The following TCERG1 variants were observed in gnomAD, a reference collection of about 807,000 sequenced individuals.
TCERG1 encodes the protein TATA box binding protein (TBP)-associated factor, RNA polymerase II, S, 150kD.
A neutral mutation model predicts 144.7 loss-of-function variants in TCERG1; 37 were observed. That is an observed-to-expected ratio of 0.26 (90% CI 0.20 to 0.34). The LOEUF (loss-of-function observed/expected upper bound fraction) is 0.34. Among genes scored for constraint, TCERG1 ranks in the 10% least tolerant of loss-of-function variants. The probability of loss-of-function intolerance (pLI) is 1.00; values close to 1 mark genes in which losing one functional copy is unlikely to be tolerated. For synonymous variants in TCERG1, 492 were observed against 458.2 expected (o/e 1.07, Z -0.94); for missense variants, 1,027 against 1,380.7 (o/e 0.74, Z 4.06).
At position 146,456,271 on chromosome 5, in the gene TCERG1, T is replaced by C. The variant is rs1762832583; in HGVS notation, c.286-912T>C. On this transcript the variant is annotated intron_variant, in intron 2 of 22. Transcript: ENST00000679501. ...GCTTCAAGGTTAGAATAAGAAATAG[T>C]TTTTTTAACTTATTCTGGTATAATC... Among the ~76,000 whole-genome samples, 3 of 152,320 alleles carry C rather than the reference T, an allele frequency of 2.0e-5. No homozygotes were observed. The South Asian group carries it at 6.2e-4, about 32-fold the overall frequency.
At chr5:146,484,648 GTATC>G (rs1765661359) in intron 15 of TCERG1, among the ~76,000 whole-genome samples, 1 of 152,052 alleles carries the variant, frequency 6.6e-6, no homozygotes, top group Admixed American at 6.6e-5. Flanking sequence ...TTTAAGCTTT[GTATC>G]TTTTTTAAAA....
At chr5:146,494,038 T>C (rs1340661671) in intron 16 of TCERG1, among the ~76,000 whole-genome samples, 1 of 152,078 alleles carries the variant, frequency 6.6e-6, no homozygotes, top group Non-Finnish European at 1.5e-5. Flanking sequence ...TTTTAGAAAA[T>C]AAAGCTAATA....
chr5:146,470,793 T>C (rs1357719126), intron 8 of TCERG1, 45 bp downstream of exon 8: 2 of 1,376,632 alleles, frequency 1.5e-6, no homozygotes, highest in Admixed American at 4.3e-5. Flanking sequence ...ATTAATTGTT[T>C]CCTACAGCTT....
chr5:146,453,036 C>T (rs557265687), intron 1 of TCERG1, among the ~76,000 whole-genome samples: 1 of 152,264 alleles, frequency 6.6e-6, no homozygotes, highest in South Asian at 2.1e-4. Flanking sequence ...TTGAAAAGAG[C>T]TTAGAGCAAG....
chr5:146,474,711 T>C (rs1764672333), intron 9 of TCERG1, among the ~76,000 whole-genome samples: 1 of 152,188 alleles, frequency 6.6e-6, no homozygotes, highest in Non-Finnish European at 1.5e-5. Flanking sequence ...CATCAAGAGA[T>C]TGAGGCAAGA....
intron 16 of TCERG1, among the ~76,000 whole-genome samples, chr5:146,495,130 A>T (rs937973305): frequency 2.0e-5 from 3 of 152,182 alleles, no homozygotes; most frequent in Admixed American, 2.0e-4. Context: ...TTTTTCTTTA[A>T]TCATAGTTTA....
Position 146,469,727 on chromosome 5 carries a change from A to G in TCERG1, c.1382A>G (p.Gln461Arg), listed in dbSNP as rs1764114194. The change falls in exon 7 of 23, where the codon CAA (glutamine) becomes CGA (arginine). Residue 461 changes from glutamine to arginine, a missense_variant. By Grantham distance (43) the Gln-to-Arg change is conservative. Around this residue, in one of 6 missense-constraint regions of TCERG1, gnomAD observed 482 missense variants for 632.6 expected, o/e 0.76. Transcript: ENST00000679501. ...TTAGAATCAACCTGGGAAAAACCCC[A>G]AGAACTAAAGGAAAAAGGTATATAG... ...RTLESTWEKPQELKEKEKLEE... is the reference protein window; with the variant it reads ...RTLESTWEKPRELKEKEKLEE... 6 of 1,605,134 alleles carry G rather than the reference A, an allele frequency of 3.7e-6. No homozygotes were observed. The highest frequency in any genetic ancestry group is 5.1e-6 in the Non-Finnish European group (6 of 1,175,966).
At chr5:146,484,606 A>C (rs569730912) in intron 15 of TCERG1, among the ~76,000 whole-genome samples, 2 of 152,220 alleles carry the variant, frequency 1.3e-5, no homozygotes, top group Non-Finnish European at 2.9e-5. Flanking sequence ...GAATAGAAAG[A>C]CATAACTTCC....
At chr5:146,471,665 C>G in intron 9 of TCERG1, 89 bp downstream of exon 9, 1 of 1,012,656 alleles carries the variant, frequency 9.9e-7, no homozygotes, top group Non-Finnish European at 1.5e-6. Context: ...GTGGCACGAT[C>G]TGGGCTCACT....
chr5:146,501,061 C>G (rs1767392616), intron 17 of TCERG1, among the ~76,000 whole-genome samples: 1 of 150,708 alleles, frequency 6.6e-6, no homozygotes, highest in African/African-American at 2.4e-5. Flanking sequence ...AGTAACTATT[C>G]TTAAGCTATT....
At chr5:146,475,149 TC>T (rs894152426) in intron 9 of TCERG1, among the ~76,000 whole-genome samples, 7 of 152,336 alleles carry the variant, frequency 4.6e-5, no homozygotes, top group African/African-American at 1.7e-4. Context: ...TGACTTCTTT[TC>T]CTTGTTTTTG....
At chr5:146,506,978 A>T in intron 19 of TCERG1, 50 bp from the exon 20 acceptor site, 1 of 1,451,580 alleles carries the variant, frequency 6.9e-7, no homozygotes, top group Non-Finnish European at 9.1e-7. Context: ...GTGCAAATGG[A>T]CATTCAGATA....
intron 9 of TCERG1, among the ~76,000 whole-genome samples, chr5:146,475,527 C>G (rs1315587415): frequency 6.6e-6 from 1 of 152,106 alleles, no homozygotes; most frequent in South Asian, 2.1e-4. Flanking sequence ...CTTACCTAGC[C>G]CAATATGTCA....
chr5:146,448,917 A>G (rs1047990105), intron 1 of TCERG1, among the ~76,000 whole-genome samples: 5 of 152,220 alleles, frequency 3.3e-5, no homozygotes, highest in Non-Finnish European at 5.9e-5. Context: ...GTATCTTTCT[A>G]AAGCTTTAAA....
chr5:146,502,657 CTT>C (rs908305005), intron 17 of TCERG1, among the ~76,000 whole-genome samples: 7 of 152,064 alleles, frequency 4.6e-5, no homozygotes, highest in Non-Finnish European at 1.0e-4. Context: ...TGGATAAACA[CTT>C]AACATTCTGA....
intron 5 of TCERG1, among the ~76,000 whole-genome samples, chr5:146,465,076 G>A (rs1193257877): frequency 6.6e-6 from 1 of 152,066 alleles, no homozygotes; most frequent in East Asian, 1.9e-4. Context: ...CCTACTATTA[G>A]GGATTATCCC....
chr5:146,448,438 T>TATA (rs555738854), intron 1 of TCERG1, among the ~76,000 whole-genome samples: 99 of 152,318 alleles, frequency 6.5e-4, no homozygotes, highest in Middle Eastern at 6.8e-3. Context: ...AAAGAGGTAT[T>TATA]ATGCTTTATG....
chr5:146,489,858 G>A (rs917030402), intron 15 of TCERG1, among the ~76,000 whole-genome samples: 2 of 152,066 alleles, frequency 1.3e-5, no homozygotes, highest in African/African-American at 4.8e-5. Flanking sequence ...AAAGCCAAGC[G>A]TATTGGAAAG....
At chr5:146,500,046 A>G (rs1014917356) in intron 17 of TCERG1, 1 of 152,198 alleles carries the variant, frequency 6.6e-6, no homozygotes, top group Non-Finnish European at 1.5e-5. Context: ...ATTTTAAAAA[A>G]GAAATTAAAT....
Sources: gnomAD v4.1 joint callset for allele counts (sites outside exome capture counted in the v4.1 genomes callset) on GRCh38, gnomAD v4.1.1 for gene constraint, gnomAD v4.1.1 regional missense constraint, MANE v1.5 for transcripts, NCBI Gene and HGNC (gene_info 2026-07-23, HGNC 2026-07-21) for gene names.